MEF2A: variants seen among roughly 807,000 people sequenced by gnomAD.
The protein encoded by MEF2A is myocyte enhancer factor 2A, also known as myocyte-specific enhancer factor 2A.
MEF2A carries 28 observed loss-of-function variants against 55.8 expected under a neutral mutation model. That is an observed-to-expected ratio of 0.50 (90% CI 0.37 to 0.69). The LOEUF is 0.69. Ranked by LOEUF, MEF2A falls within the 30% of genes least tolerant of loss-of-function variation. The pLI is 0.00. For synonymous variants in MEF2A, 239 were observed against 227.1 expected, an observed-to-expected ratio of 1.05 and a Z score of -0.47; for missense variants, 528 against 626.2, an observed-to-expected ratio of 0.84 and a Z score of 1.67.
intron 4 of MEF2A, among the ~76,000 whole-genome samples, chr15:99,652,862 G>A (rs1344632246): frequency 6.6e-6 from 1 of 152,148 alleles, no homozygotes; most frequent in Non-Finnish European, 1.5e-5. Context: ...ACTGATGTTT[G>A]TCGTACTATG....
At chr15:99,652,745 C>T (rs1227796779) in intron 4 of MEF2A, among the ~76,000 whole-genome samples, 2 of 152,114 alleles carry the variant, frequency 1.3e-5, no homozygotes, top group African/African-American at 4.8e-5. Context: ...ATTTCCCAAG[C>T]AGTAAGTTGT....
At chr15:99,674,074 T>C (rs1422572930) in intron 5 of MEF2A, among the ~76,000 whole-genome samples, 1 of 152,178 alleles carries the variant, frequency 6.6e-6, no homozygotes, top group Non-Finnish European at 1.5e-5. Context: ...TGATATATTT[T>C]GTAATGTCTA....
At chr15:99,595,700 AC>A (rs1970920425) in intron 1 of MEF2A, among the ~76,000 whole-genome samples, 2 of 152,184 alleles carry the variant, frequency 1.3e-5, no homozygotes, top group Admixed American at 6.5e-5. Flanking sequence ...CAATAATTTT[AC>A]CCCCTGGGAG....
chr15:99,613,317 C>T lies in MEF2A; in HGVS notation c.-143+14806C>T, dbSNP rs538880459. On this transcript the variant is annotated intron_variant, in intron 2 of 11. Coordinates refer to ENST00000557942, the MANE Select transcript of MEF2A (RefSeq NM_001319206.4). ...ATCCGGTGTTCTTTTAAATTGAGAACCACTGCATTAGATCAGTGAGTTTTA... is the reference window on the plus strand; with the variant it reads ...ATCCGGTGTTCTTTTAAATTGAGAATCACTGCATTAGATCAGTGAGTTTTA... Among the ~76,000 whole-genome samples, 12 of 152,270 alleles carry T rather than the reference C, an allele frequency of 7.9e-5. No individual in the cohort carries two copies. In the South Asian group the frequency reaches 2.5e-3, roughly 32 times the overall value.
At chr15:99,567,528 G>T (rs990710151) in intron 1 of MEF2A, among the ~76,000 whole-genome samples, 2 of 152,010 alleles carry the variant, frequency 1.3e-5, no homozygotes, top group African/African-American at 2.4e-5. Flanking sequence ...AAACAAAATA[G>T]TTCTTTTTTA....
intron 1 of MEF2A, among the ~76,000 whole-genome samples, chr15:99,588,752 A>AGTTTTT (rs1316330829): frequency 6.6e-6 from 1 of 150,754 alleles, no homozygotes; most frequent in Non-Finnish European, 1.5e-5. Context: ...CAGTTTGCTG[A>AGTTTTT]GTTTTTGTTT....
chr15:99,585,440 T>A (rs1966885776), intron 1 of MEF2A, among the ~76,000 whole-genome samples: 1 of 152,230 alleles, frequency 6.6e-6, no homozygotes, highest in South Asian at 2.1e-4. Context: ...TATTTATATG[T>A]TTTGAAATAA....
In MEF2A at chr15:99,645,626, C is replaced by A. The variant is rs1328677553; in HGVS notation, c.120C>A (p.Asp40Glu). 1 of 1,613,774 alleles carries A rather than the reference C, an allele frequency of 6.2e-7. No individual in the cohort carries two copies. The highest frequency in any genetic ancestry group is 2.2e-5 in the East Asian group (1 of 44,840). ...KKAYELSVLC[D>E]CEIALIIFNS... Reference sequence around the variant, plus strand: ...CCTATGAACTTAGTGTGCTCTGTGACTGTGAAATAGCACTCATCATTTTCA... The same window carrying A: ...CCTATGAACTTAGTGTGCTCTGTGAATGTGAAATAGCACTCATCATTTTCA... The change falls in exon 4 of 12, where the codon GAC (aspartate) becomes GAA (glutamate). Residue 40 changes from aspartate to glutamate, a missense_variant. By Grantham distance (45) the Asp-to-Glu change is conservative (BLOSUM62 2). Around this residue, in one of 2 missense-constraint regions of MEF2A, gnomAD observed 78 missense variants for 150.9 expected, o/e 0.52. Coordinates refer to ENST00000557942, the MANE Select transcript of MEF2A (RefSeq NM_001319206.4).
At position 99,671,311 on chromosome 15, in the gene MEF2A, A is replaced by G. The variant is rs1470529842; in HGVS notation, c.259-12A>G. ...GCATTATTTGTGTGTGAATTTTCCAATTGTATTTCAGACTTTAAGAAAGAA... is the reference window on the plus strand; with the variant it reads ...GCATTATTTGTGTGTGAATTTTCCAGTTGTATTTCAGACTTTAAGAAAGAA... On this transcript the variant is annotated splice_polypyrimidine_tract_variant and intron_variant, in intron 4 of 11. Coordinates refer to ENST00000557942, the MANE Select transcript of MEF2A (RefSeq NM_001319206.4). The G allele has an allele frequency of 6.3e-7, 1 of 1,591,486 alleles. No homozygotes were observed.
intron 1 of MEF2A, among the ~76,000 whole-genome samples, chr15:99,596,714 C>T (rs548845051): frequency 6.3e-4 from 96 of 152,250 alleles, no homozygotes; most frequent in South Asian, 3.7e-3. Flanking sequence ...CCAATAGGAG[C>T]GAGGAGAGAG....
chr15:99,598,943 G>A (rs893235959), intron 2 of MEF2A, among the ~76,000 whole-genome samples: 5 of 152,090 alleles, frequency 3.3e-5, no homozygotes, highest in African/African-American at 1.2e-4. Context: ...ATCTCATGAA[G>A]CATGGGAAAG....
intron 8 of MEF2A, among the ~76,000 whole-genome samples, chr15:99,692,032 C>G (rs28405185): frequency 1.3e-5 from 2 of 151,870 alleles, no homozygotes; most frequent in Admixed American, 6.6e-5. Flanking sequence ...TACTACCATA[C>G]TAAATGATAT....
intron 5 of MEF2A, 138 bp downstream of exon 5, chr15:99,671,592 A>G (rs778063900): frequency 3.1e-6 from 5 of 1,604,818 alleles, no homozygotes; most frequent in Non-Finnish European, 2.6e-6. Context: ...AACTCCACAT[A>G]CAGAAGAAAA....
rs537324949 is a variant in MEF2A, at chr15:99,713,090, C to T, written c.*319C>T. 2.2e-5 allele frequency: 10 copies of T among 464,934 alleles called. No homozygotes were observed. The South Asian group carries it at 4.0e-4, about 19-fold the overall frequency. 28.8% of individuals were successfully genotyped at this position (464,934 alleles called of 1,614,324 possible). ...AAGATAACCAGTTTTTGCAGAGAAA[C>T]GTGTACCCATATATAATTCTCCCAC... On this transcript the variant is annotated 3_prime_UTR_variant, in exon 12 of 12. Coordinates refer to ENST00000557942, the MANE Select transcript of MEF2A (RefSeq NM_001319206.4).
intron 7 of MEF2A, chr15:99,678,618 G>T: frequency 1.0e-6 from 1 of 981,612 alleles, no homozygotes; most frequent in African/African-American, 1.7e-5. Flanking sequence ...TGCATCTTCT[G>T]CCTGCTTCCC....
intron 1 of MEF2A, among the ~76,000 whole-genome samples, chr15:99,566,946 A>G (rs1176486814): frequency 6.6e-6 from 1 of 152,226 alleles, no homozygotes; most frequent in African/African-American, 2.4e-5. Context: ...TTTTTGTGTT[A>G]GAAACTTTGC....
At chr15:99,601,782 C>G (rs1973085408) in intron 2 of MEF2A, among the ~76,000 whole-genome samples, 1 of 149,552 alleles carries the variant, frequency 6.7e-6, no homozygotes. Context: ...TCATAGAAGG[C>G]ATTGGATTGT....
At chr15:99,608,239 T>TA (rs1426471053) in intron 2 of MEF2A, among the ~76,000 whole-genome samples, 2 of 152,344 alleles carry the variant, frequency 1.3e-5, no homozygotes, top group Non-Finnish European at 1.5e-5. Context: ...AAAAATTACT[T>TA]ACAGCTTTAA....
rs1193262856 is a variant in MEF2A at position 99,713,209 on chromosome 15, G to A, written c.*438G>A. ...AAGAGAAAATGCTTTGTAGAACAGA[G>A]CAGTAGAAAAGCAGGAACCAAGAAA... On this transcript the variant is annotated 3_prime_UTR_variant, in exon 12 of 12. Coordinates refer to ENST00000557942, the MANE Select transcript of MEF2A (RefSeq NM_001319206.4). 1 of 400,450 alleles carries A rather than the reference G, an allele frequency of 2.5e-6. No individual in the cohort carries two copies. The highest frequency in any genetic ancestry group is 4.4e-6 in the Non-Finnish European group (1 of 227,434). The allele number at this position is 400,450 out of a possible 1,614,324, so 24.8% of individuals were successfully genotyped here. A position where few individuals can be genotyped will look rare whatever the true frequency, so the allele number is the denominator to read the frequency against.
Sources: gnomAD v4.1 joint callset for allele counts (sites outside exome capture counted in the v4.1 genomes callset) on GRCh38, gnomAD v4.1.1 for gene constraint, gnomAD v4.1.1 regional missense constraint, MANE v1.5 for transcripts, NCBI Gene and HGNC (gene_info 2026-07-23, HGNC 2026-07-21) for gene names.